RFPL4AL1: variants seen among roughly 807,000 people sequenced by gnomAD.
The protein encoded by RFPL4AL1 is ret finger protein like 4A like 1.
Under a neutral mutation model 8.2 loss-of-function variants are expected in RFPL4AL1, and 2 were observed. That is an observed-to-expected ratio of 0.24 (90% confidence interval 0.10 to 0.77). The LOEUF (loss-of-function observed/expected upper bound fraction) is 0.77. Ranked by LOEUF, RFPL4AL1 falls within the 30% of genes least tolerant of loss-of-function variation. The pLI, the probability that RFPL4AL1 is intolerant of heterozygous loss-of-function variation, is 0.72. For synonymous variants in RFPL4AL1, 25 were observed against 131.8 expected (o/e 0.19, Z 5.55); for missense variants, 57 against 350.3 (o/e 0.16, Z 6.68).
intron 1 of RFPL4AL1, among the ~76,000 whole-genome samples, chr19:55,771,447 G>A (rs1160426821): frequency 2.0e-5 from 3 of 151,988 alleles, no homozygotes; most frequent in South Asian, 2.1e-4. Context: ...GAGTGTATTT[G>A]GCTCACAGCA....
intron 1 of RFPL4AL1, among the ~76,000 whole-genome samples, chr19:55,770,459 G>A (rs1989470470): frequency 6.6e-6 from 1 of 151,912 alleles, no homozygotes; most frequent in Non-Finnish European, 1.5e-5. Context: ...GAAAGCTGGT[G>A]GCGTTCAAAG....
At chr19:55,769,460 T>C (rs1450878949) in intron 1 of RFPL4AL1, among the ~76,000 whole-genome samples, 1 of 151,724 alleles carries the variant, frequency 6.6e-6, no homozygotes, top group Non-Finnish European at 1.5e-5. Flanking sequence ...TTACTCAACG[T>C]CAGGTTTTCC....
chr19:55,771,142 T>C (rs1459272559), intron 1 of RFPL4AL1, among the ~76,000 whole-genome samples: 1 of 147,796 alleles, frequency 6.8e-6, no homozygotes, highest in Non-Finnish European at 1.5e-5. Context: ...CTGGTACGAC[T>C]TATTTGTATT....
chr19:55,769,893 CT>C (rs1485748815), intron 1 of RFPL4AL1, among the ~76,000 whole-genome samples: 42 of 151,672 alleles, frequency 2.8e-4, no homozygotes, highest in Non-Finnish European at 2.1e-4. Flanking sequence ...GAATTGCCTT[CT>C]TTTTTATGGT....
chr19:55,769,161 A>C lies in RFPL4AL1; in HGVS notation c.-24A>C, dbSNP rs1464648424. 1 of 153,440 alleles carries C rather than the reference A, an allele frequency of 6.5e-6. No homozygotes were observed. The highest frequency in any genetic ancestry group is 1.5e-5 in the Non-Finnish European group (1 of 67,936). The allele number at this position is 153,440 out of a possible 1,614,324, so 9.5% of individuals were successfully genotyped here. ...GAAGCAGCTGGAGGCCAGGGGAGAA[A>C]CTCCAGAAGGAGAGGTGAGTTCAAT... On this transcript the variant is annotated 5_prime_UTR_variant, in exon 1 of 3. Coordinates refer to ENST00000341750, the MANE Select transcript of RFPL4AL1 (RefSeq NM_001277397.2).
rs199874872 is a variant in RFPL4AL1 at position 55,772,172 on chromosome 19, C to T, written c.286+82C>T. 10,037 of 1,366,922 alleles carry T rather than the reference C, an allele frequency of 7.3e-3. 6 individuals carry two copies. In the East Asian group the frequency reaches 0.14, roughly 19 times the overall value. 84.7% of individuals were successfully genotyped at this position (1,366,922 alleles called of 1,614,324 possible). On this transcript the variant is annotated intron_variant, in intron 2 of 2. Transcript: ENST00000341750. The stretch of plus-strand genomic sequence containing the variant: ...CAAACATTTCTTCATTAAACATAGG[C>T]ATTAGCAGGATATCTAGCATCTAAA...
At chr19:55,770,917 T>C (rs1989480243) in intron 1 of RFPL4AL1, among the ~76,000 whole-genome samples, 1 of 151,978 alleles carries the variant, frequency 6.6e-6, no homozygotes, top group South Asian at 2.1e-4. Context: ...GTCGTTGGTG[T>C]GTGCTTTTCA....
At chr19:55,771,102 T>TTTTTTTTTTTTTTG (rs1989488336) in intron 1 of RFPL4AL1, among the ~76,000 whole-genome samples, 1 of 149,072 alleles carries the variant, frequency 6.7e-6, no homozygotes. Flanking sequence ...TTTTTTTTTT[T>TTTTTTTTTTTTTTG]TTTCCGCTAT....
intron 1 of RFPL4AL1, among the ~76,000 whole-genome samples, chr19:55,770,236 G>A (rs1309597141): frequency 6.6e-6 from 1 of 151,910 alleles, no homozygotes; most frequent in Non-Finnish European, 1.5e-5. Context: ...AGCCATCCTA[G>A]CAGAGAGGGG....
chr19:55,771,282 A>ATTGTGT lies in RFPL4AL1; in HGVS notation c.-9-510_-9-509insGTTTGT, dbSNP rs371327394. 2.0e-5 allele frequency among the ~76,000 whole-genome samples: 3 copies of ATTGTGT among 152,200 alleles called. No homozygotes were observed. In the East Asian group the frequency reaches 5.8e-4, roughly 29 times the overall value. ...AATCTTAAGATAACCCATATATGTA[A>ATTGTGT]TTGTAAATTCATTTTCTGGTAGTCA... is the stretch of plus-strand genomic sequence containing the variant. On this transcript the variant is annotated intron_variant, in intron 1 of 2. Coordinates refer to ENST00000341750, the MANE Select transcript of RFPL4AL1 (RefSeq NM_001277397.2).
rs1648652138 is a variant in RFPL4AL1 at position 55,769,165 on chromosome 19, C to T, written c.-20C>T. Reference sequence around the variant, plus strand: ...CAGCTGGAGGCCAGGGGAGAAACTCCAGAAGGAGAGGTGAGTTCAATCTTA... The same window carrying T: ...CAGCTGGAGGCCAGGGGAGAAACTCTAGAAGGAGAGGTGAGTTCAATCTTA... On this transcript the variant is annotated 5_prime_UTR_variant, in exon 1 of 3. Coordinates refer to ENST00000341750, the MANE Select transcript of RFPL4AL1 (RefSeq NM_001277397.2). The T allele has an allele frequency of 6.5e-6, 1 of 153,338 alleles. No individual in the cohort carries two copies. The highest frequency in any genetic ancestry group is 2.0e-4 in the South Asian group (1 of 4,884). 9.5% of individuals were successfully genotyped at this position (153,338 alleles called of 1,614,324 possible).
At position 55,769,635 on chromosome 19, in the gene RFPL4AL1, T is replaced by C. The variant is rs2431834; in HGVS notation, c.-10+460T>C. 4.5e-3 allele frequency among the ~76,000 whole-genome samples: 687 copies of C among 151,854 alleles called. 7 individuals carry two copies. Among genetic ancestry groups the C allele is most frequent in the Non-Finnish European group, 6.9e-3 (467 of 67,786 alleles). On this transcript the variant is annotated intron_variant, in intron 1 of 2. Coordinates refer to ENST00000341750, the MANE Select transcript of RFPL4AL1 (RefSeq NM_001277397.2). Reference sequence around the variant, plus strand: ...GCAACGTTTGTTTAAATTACTATTGTGGAAAAGATCTGGCCAGATGCTGGG... The same window carrying C: ...GCAACGTTTGTTTAAATTACTATTGCGGAAAAGATCTGGCCAGATGCTGGG...
intron 1 of RFPL4AL1, among the ~76,000 whole-genome samples, chr19:55,771,353 T>C: frequency 6.6e-6 from 1 of 152,152 alleles, no homozygotes; most frequent in East Asian, 1.9e-4. Flanking sequence ...ACTCAGAATA[T>C]AATCATTTAA....
intron 2 of RFPL4AL1, 53 bp downstream of exon 2, chr19:55,772,143 C>T: frequency 6.8e-7 from 1 of 1,472,956 alleles, no homozygotes; most frequent in Non-Finnish European, 9.2e-7. Flanking sequence ...GGGAAAACGA[C>T]TTTCAAACAT....
chr19:55,769,959 G>C (rs1308148795), intron 1 of RFPL4AL1, among the ~76,000 whole-genome samples: 2 of 151,928 alleles, frequency 1.3e-5, no homozygotes, highest in African/African-American at 4.8e-5. Flanking sequence ...TCTCACAGAC[G>C]CTGGGGTTGT....
At chr19:55,770,547 G>T (rs1989472674) in intron 1 of RFPL4AL1, among the ~76,000 whole-genome samples, 1 of 151,938 alleles carries the variant, frequency 6.6e-6, no homozygotes, top group Non-Finnish European at 1.5e-5. Context: ...GAAAAAAGCA[G>T]AGATTTTTTA....
At position 55,772,371 on chromosome 19, in the gene RFPL4AL1, G is replaced by T. The variant is rs1183077819; in HGVS notation, c.287-231G>T. Among the ~76,000 whole-genome samples, 9 of 129,068 alleles carry T rather than the reference G, an allele frequency of 7.0e-5. 3 individuals carry two copies. The East Asian group carries it at 8.8e-4, about 13-fold the overall frequency. The allele number at this position is 129,068 out of a possible 152,430, so 84.7% of individuals were successfully genotyped here. ...ATTATCCACTAACTTATTTCGAAAG[G>T]CATTTCTAATATGAATAAGGTGGAC... On this transcript the variant is annotated intron_variant, in intron 2 of 2. Transcript: ENST00000341750.
At position 55,773,222 on chromosome 19, in the gene RFPL4AL1, CCCATAG is replaced by C. The variant is rs1272432992; in HGVS notation, c.*51_*56del. 1 of 1,223,054 alleles carries C rather than the reference CCCATAG, an allele frequency of 8.2e-7. No homozygotes were observed. The highest frequency in any genetic ancestry group is 2.1e-5 in the Admixed American group (1 of 47,390). 75.8% of individuals were successfully genotyped at this position (1,223,054 alleles called of 1,614,324 possible). On this transcript the variant is annotated 3_prime_UTR_variant, in exon 3 of 3. Transcript: ENST00000341750. ...ATCATCTTTAGGAAGTTTCAGTGCC[CCCATAG>C]CCATAGCTAAGAACTTTTCCGCTAG...
intron 1 of RFPL4AL1, 45 bp from the exon 2 acceptor site, chr19:55,771,751 C>T (rs1340160313): frequency 1.4e-5 from 22 of 1,549,812 alleles, no homozygotes; most frequent in East Asian, 9.8e-5. Context: ...GCTGTTCATT[C>T]AGCTCGTGGA....
Sources: allele counts gnomAD v4.1 joint callset (sites outside exome capture counted in the v4.1 genomes callset), GRCh38; gene constraint gnomAD v4.1.1; transcripts MANE v1.5; gene names NCBI Gene and HGNC (gene_info 2026-07-23, HGNC 2026-07-21).